NEK7: variants seen among roughly 807,000 people sequenced by gnomAD.
NEK7 encodes NIMA related kinase 7.
In NEK7, 18 loss-of-function variants were observed where a neutral mutation model predicts 44.6. The observed-to-expected ratio is 0.40, with a 90% confidence interval of 0.28 to 0.60. The LOEUF is 0.60. NEK7 is among the 20% of genes least tolerant of loss of function. The pLI, the probability that NEK7 is intolerant of heterozygous loss-of-function variation, is 0.38. For synonymous variants in NEK7, 130 were observed against 121.1 expected, an observed-to-expected ratio of 1.07 and a Z score of -0.48; for missense variants, 256 against 366.5, an observed-to-expected ratio of 0.70 and a Z score of 2.46.
intron 9 of NEK7, among the ~76,000 whole-genome samples, chr1:198,311,813 T>G (rs1655193254): frequency 2.6e-5 from 4 of 152,140 alleles, no homozygotes; most frequent in African/African-American, 9.7e-5. Flanking sequence ...GGATAAGCTT[T>G]TTGATGTGCT....
At chr1:198,267,898 C>T (rs1277929810) in intron 5 of NEK7, among the ~76,000 whole-genome samples, 7 of 151,992 alleles carry the variant, frequency 4.6e-5, no homozygotes, top group Non-Finnish European at 1.0e-4. Context: ...ACCTACCACT[C>T]GTAATGGCTC....
chr1:198,241,130 A>T (rs1033316470), intron 2 of NEK7, among the ~76,000 whole-genome samples: 1 of 152,230 alleles, frequency 6.6e-6, no homozygotes, highest in African/African-American at 2.4e-5. Flanking sequence ...TTGAAGAGCA[A>T]TGTTGAATGT....
At chr1:198,172,543 A>G (rs1285533885) in intron 1 of NEK7, among the ~76,000 whole-genome samples, 2 of 152,196 alleles carry the variant, frequency 1.3e-5, no homozygotes, top group Non-Finnish European at 2.9e-5. Flanking sequence ...GAAATCTCAT[A>G]TCTTTATACA....
intron 9 of NEK7, among the ~76,000 whole-genome samples, chr1:198,309,509 C>A (rs1448433530): frequency 6.6e-6 from 1 of 152,010 alleles, no homozygotes; most frequent in Non-Finnish European, 1.5e-5. Context: ...AGGTTAGTTA[C>A]ATATGTATAC....
At chr1:198,177,577 C>T (rs1294596582) in intron 1 of NEK7, among the ~76,000 whole-genome samples, 1 of 151,946 alleles carries the variant, frequency 6.6e-6, no homozygotes, top group Non-Finnish European at 1.5e-5. Context: ...CATTGAAATG[C>T]TTTTTTTAAA....
chr1:198,203,505 T>A (rs1266489784), intron 1 of NEK7, among the ~76,000 whole-genome samples: 1 of 152,240 alleles, frequency 6.6e-6, no homozygotes, highest in East Asian at 1.9e-4. Flanking sequence ...GTTACTTTAA[T>A]GTCTAGGAGA....
intron 2 of NEK7, among the ~76,000 whole-genome samples, chr1:198,249,600 C>A (rs1652841322): frequency 6.6e-6 from 1 of 152,096 alleles, no homozygotes; most frequent in African/African-American, 2.4e-5. Flanking sequence ...GAGATGGTAT[C>A]TCATAGTGGT....
intron 1 of NEK7, among the ~76,000 whole-genome samples, chr1:198,163,821 T>G (rs1015978386): frequency 1.3e-5 from 2 of 152,216 alleles, no homozygotes; most frequent in African/African-American, 4.8e-5. Flanking sequence ...AAAACTGACA[T>G]TTTTTTCCAT....
intron 5 of NEK7, among the ~76,000 whole-genome samples, chr1:198,268,993 G>A (rs914696366): frequency 3.3e-5 from 5 of 151,940 alleles, no homozygotes; most frequent in African/African-American, 9.7e-5. Flanking sequence ...CCTTTGACTC[G>A]TAGAGTACTT....
chr1:198,314,691 C>T (rs894782590), intron 9 of NEK7, among the ~76,000 whole-genome samples: 18 of 152,208 alleles, frequency 1.2e-4, no homozygotes, highest in South Asian at 8.3e-4. Context: ...AGTACCCGGC[C>T]GTGTGAGGTG....
chr1:198,164,291 C>T lies in NEK7; in HGVS notation c.-29+7015C>T, dbSNP rs193282159. On this transcript the variant is annotated intron_variant, in intron 1 of 9. Transcript: ENST00000367385. Reference sequence around the variant, plus strand: ...GCCCCCAAGGGAGTTTCTGCCTCTTCTGTGATCAGAAGTCCACCGGTCTAG... The same window carrying T: ...GCCCCCAAGGGAGTTTCTGCCTCTTTTGTGATCAGAAGTCCACCGGTCTAG... Among the ~76,000 whole-genome samples the T allele has an allele frequency of 1.8e-3, 272 of 152,300 alleles. 1 individual carries two copies. Among genetic ancestry groups the T allele is most frequent in the Non-Finnish European group, 3.4e-3 (228 of 68,032 alleles).
intron 1 of NEK7, chr1:198,208,641 A>G (rs1264378445): frequency 3.9e-5 from 6 of 152,284 alleles, no homozygotes; most frequent in Non-Finnish European, 8.8e-5. Flanking sequence ...CAATGTGTGC[A>G]TATTTCAGAA....
chr1:198,182,657 T>G (rs1053642399), intron 1 of NEK7, among the ~76,000 whole-genome samples: 5 of 152,226 alleles, frequency 3.3e-5, no homozygotes, highest in Non-Finnish European at 7.3e-5. Flanking sequence ...ACTGTTACTT[T>G]CAAACTCTTT....
intron 9 of NEK7, among the ~76,000 whole-genome samples, chr1:198,302,945 AT>A (rs758076745): frequency 4.8e-4 from 73 of 152,214 alleles, no homozygotes; most frequent in Non-Finnish European, 9.4e-4. Flanking sequence ...GCATTTCATG[AT>A]TTTTACTCTT....
intron 2 of NEK7, among the ~76,000 whole-genome samples, chr1:198,235,470 T>C (rs973436154): frequency 1.2e-4 from 18 of 152,166 alleles, no homozygotes; most frequent in South Asian, 8.3e-4. Context: ...GTTCTGTATA[T>C]TTTCATTGCC....
rs1653126727 is a variant in NEK7 at position 198,253,033 on chromosome 1, A to G, written c.58-7A>G. On this transcript the variant is annotated splice_region_variant and splice_polypyrimidine_tract_variant and intron_variant, in intron 2 of 9. Transcript: ENST00000367385. ...ATTGAAAATTTTTCTGACATTTTTA[A>G]TTACAGAAGGCCTTACGACCGGATA... The G allele has an allele frequency of 1.3e-6, 2 of 1,595,216 alleles. No homozygotes were observed. The highest frequency in any genetic ancestry group is 1.7e-6 in the Non-Finnish European group (2 of 1,172,050).
At chr1:198,178,999 CT>C (rs1182914467) in intron 1 of NEK7, among the ~76,000 whole-genome samples, 27 of 136,100 alleles carry the variant, frequency 2.0e-4, no homozygotes, top group African/African-American at 2.0e-4. Flanking sequence ...TACCCCCCCC[CT>C]TTTTTTTTTA....
At chr1:198,274,226 A>G (rs576851352) in intron 5 of NEK7, among the ~76,000 whole-genome samples, 2 of 146,484 alleles carry the variant, frequency 1.4e-5, no homozygotes, top group Non-Finnish European at 3.0e-5. Context: ...CTCTTCAAAA[A>G]CACCTTGCAC....
intron 1 of NEK7, among the ~76,000 whole-genome samples, chr1:198,205,908 G>GTACCA (rs1665584117): frequency 6.6e-6 from 1 of 152,080 alleles, no homozygotes; most frequent in South Asian, 2.1e-4. Context: ...AAAGAGGAAA[G>GTACCA]TACCACTTCT....
Sources: gnomAD v4.1 joint callset for allele counts (sites outside exome capture counted in the v4.1 genomes callset) on GRCh38, gnomAD v4.1.1 for gene constraint, MANE v1.5 for transcripts, NCBI Gene and HGNC (gene_info 2026-07-23, HGNC 2026-07-21) for gene names.